EPS15: variants seen among roughly 807,000 people sequenced by gnomAD.
EPS15 encodes the protein epidermal growth factor receptor substrate 15.
In EPS15, 72 loss-of-function variants were observed where a neutral mutation model predicts 113.8. The ratio of observed to expected loss-of-function variants is 0.63; its 90% CI spans 0.52 to 0.77. The LOEUF (loss-of-function observed/expected upper bound fraction) is 0.77. EPS15 is among the 30% of genes least tolerant of loss of function. The probability of loss-of-function intolerance (pLI) is 0.00; values close to 1 mark genes in which losing one functional copy is unlikely to be tolerated. For synonymous variants in EPS15, 344 were observed against 363.4 expected, an observed-to-expected ratio of 0.95 and a Z score of 0.61; for missense variants, 1,048 against 1,045.8, an observed-to-expected ratio of 1.00 and a Z score of -0.03.
chr1:51,366,112 G>C (rs1040389930), intron 21 of EPS15, 83 bp from the exon 22 acceptor site: 14 of 874,680 alleles, frequency 1.6e-5, no homozygotes, highest in Non-Finnish European at 2.3e-5. Context: ...TGTCCACCCA[G>C]CCTCAAGAGC....
At chr1:51,384,103 A>G (rs868573989) in intron 21 of EPS15, among the ~76,000 whole-genome samples, 8 of 152,136 alleles carry the variant, frequency 5.3e-5, no homozygotes, top group Non-Finnish European at 8.8e-5. Flanking sequence ...AAGACATCCC[A>G]TGTTCACAGA....
At chr1:51,379,106 G>C (rs2405699) in intron 21 of EPS15, among the ~76,000 whole-genome samples, 111,101 of 152,138 alleles carry the variant, frequency 0.73, 41,411 homozygotes, top group East Asian at 0.99. Flanking sequence ...TCATCATGCA[G>C]AAGGGATCCT....
chr1:51,477,150 C>G (rs1310507652), intron 2 of EPS15, among the ~76,000 whole-genome samples: 2 of 152,162 alleles, frequency 1.3e-5, no homozygotes, highest in Non-Finnish European at 2.9e-5. Context: ...TTGGTCTATT[C>G]AGAGATACAA....
chr1:51,475,140 A>G (rs1462453633), intron 2 of EPS15, among the ~76,000 whole-genome samples: 1 of 152,134 alleles, frequency 6.6e-6, no homozygotes, highest in Non-Finnish European at 1.5e-5. Flanking sequence ...CGCAATAAAC[A>G]TATGTGTGCA....
intron 21 of EPS15, among the ~76,000 whole-genome samples, chr1:51,387,339 C>T (rs1239935965): frequency 1.3e-5 from 2 of 152,024 alleles, no homozygotes; most frequent in Non-Finnish European, 2.9e-5. Context: ...TGGAAAGGAA[C>T]AACCAGTACC....
intron 2 of EPS15, among the ~76,000 whole-genome samples, chr1:51,475,723 C>A (rs926192298): frequency 4.6e-5 from 7 of 152,158 alleles, no homozygotes; most frequent in African/African-American, 1.7e-4. Context: ...GTTGCCATTG[C>A]TGTTGGTGTT....
Position 51,402,465 on chromosome 1 carries a change from C to T in EPS15, c.1852G>A (p.Asp618Asn), listed in dbSNP as rs1411784688. Residue 618 changes from aspartate to asparagine, a missense_variant, in exon 18 of 25, where the codon GAT becomes AAT. Transcript: ENST00000371733. ...ACAAAAGGATCAGACTGGAAAAAAT[C>T]CAAGTTTGTATCTGCAACTGGACCT... ...LTGPVADTNL[D>N]FFQSDPFVGS... 2 of 1,586,754 alleles carry T rather than the reference C, an allele frequency of 1.3e-6. No homozygotes were observed. The highest frequency in any genetic ancestry group is 2.7e-5 in the African/African-American group (2 of 74,256).
At chr1:51,497,650 TGGC>T (rs1280342611) in intron 1 of EPS15, among the ~76,000 whole-genome samples, 1 of 152,190 alleles carries the variant, frequency 6.6e-6, no homozygotes, top group Non-Finnish European at 1.5e-5. Context: ...AACAGTCCTC[TGGC>T]AGCAGCGAAA....
chr1:51,481,241 A>C (rs1322737303), intron 2 of EPS15, 32 bp downstream of exon 2: 2 of 1,141,544 alleles, frequency 1.8e-6, no homozygotes, highest in Non-Finnish European at 2.7e-6. Context: ...TTTAATGTTC[A>C]ATCCAGGCAA....
intron 12 of EPS15, among the ~76,000 whole-genome samples, chr1:51,427,975 A>T (rs962600317): frequency 6.6e-6 from 1 of 152,232 alleles, no homozygotes; most frequent in Non-Finnish European, 1.5e-5. Context: ...TAAAATAGCA[A>T]GCAAGAAGAA....
chr1:51,421,317 T>A (rs1237546271), intron 13 of EPS15, among the ~76,000 whole-genome samples: 1 of 152,094 alleles, frequency 6.6e-6, no homozygotes, highest in Non-Finnish European at 1.5e-5. Flanking sequence ...TTCTGTATCA[T>A]CTCCCACCCT....
At chr1:51,438,374 TAAC>T (rs1652323174) in intron 12 of EPS15, among the ~76,000 whole-genome samples, 1 of 152,200 alleles carries the variant, frequency 6.6e-6, no homozygotes, top group South Asian at 2.1e-4. Flanking sequence ...TGGTACAACT[TAAC>T]ATTATAGTTA....
At chr1:51,426,829 C>CTG (rs1375781720) in intron 12 of EPS15, among the ~76,000 whole-genome samples, 1 of 142,152 alleles carries the variant, frequency 7.0e-6, no homozygotes, top group Non-Finnish European at 1.5e-5. Context: ...CTCTCTCTCT[C>CTG]TCTCTCTCTA....
At chr1:51,495,167 G>A (rs929368787) in intron 1 of EPS15, among the ~76,000 whole-genome samples, 1 of 152,106 alleles carries the variant, frequency 6.6e-6, no homozygotes, top group Non-Finnish European at 1.5e-5. Flanking sequence ...GAAAAACTAA[G>A]TAGTGACATC....
chr1:51,414,644 C>A (rs926596843), intron 13 of EPS15, among the ~76,000 whole-genome samples: 18 of 151,940 alleles, frequency 1.2e-4, no homozygotes, highest in African/African-American at 4.1e-4. Context: ...TATTCCCCAC[C>A]CTCCCTCATA....
intron 8 of EPS15, among the ~76,000 whole-genome samples, chr1:51,455,716 A>C (rs1369901336): frequency 6.6e-6 from 1 of 152,202 alleles, no homozygotes; most frequent in African/African-American, 2.4e-5. Flanking sequence ...TATCCTTACA[A>C]TCTAGTCAGA....
chr1:51,448,252 T>C (rs1476862196), intron 8 of EPS15, 117 bp from the exon 9 acceptor site: 5 of 539,554 alleles, frequency 9.3e-6, no homozygotes, highest in Non-Finnish European at 1.6e-5. Context: ...TTTTAAGAAA[T>C]TGGGCTGGGA....
At chr1:51,508,344 GAA>G (rs58671730) in intron 1 of EPS15, among the ~76,000 whole-genome samples, 55 of 129,628 alleles carry the variant, frequency 4.2e-4, no homozygotes, top group African/African-American at 1.4e-3. Context: ...AAGAGAGAAA[GAA>G]AGAAAGAAAG....
intron 1 of EPS15, among the ~76,000 whole-genome samples, chr1:51,492,339 T>C (rs1314341093): frequency 2.6e-5 from 4 of 152,084 alleles, no homozygotes; most frequent in African/African-American, 7.2e-5. Context: ...ACATTACAAA[T>C]TGACTTAGCA....
Sources: allele counts gnomAD v4.1 joint callset (sites outside exome capture counted in the v4.1 genomes callset), GRCh38; gene constraint gnomAD v4.1.1; transcripts MANE v1.5; gene names NCBI Gene and HGNC (gene_info 2026-07-23, HGNC 2026-07-21).